RUNX1: variants seen among roughly 807,000 people sequenced by gnomAD.
RUNX1 encodes runt-related transcription factor 1.
Under a neutral mutation model 42.8 loss-of-function variants are expected in RUNX1, and 19 were observed. That is an observed-to-expected ratio of 0.44 (90% CI 0.31 to 0.65). The LOEUF (loss-of-function observed/expected upper bound fraction) is 0.65, where lower values mean the gene tolerates loss of function less well. Ranked by LOEUF, RUNX1 falls within the 30% of genes least tolerant of loss-of-function variation. RUNX1 has a pLI of 0.07. For missense variants in RUNX1, 528 were observed against 672.0 expected (o/e 0.79, Z 2.37); for synonymous variants, 271 against 289.4 (o/e 0.94, Z 0.64).
chr21:34,794,354 C>T (rs76154584), intron 8 of RUNX1, among the ~76,000 whole-genome samples: 1,600 of 152,216 alleles, frequency 0.011, 17 homozygotes, highest in African/African-American at 0.025. Flanking sequence ...TCAGGGAATA[C>T]CATTACCACT....
At chr21:34,808,007 A>G (rs1468922683) in intron 7 of RUNX1, among the ~76,000 whole-genome samples, 1 of 152,240 alleles carries the variant, frequency 6.6e-6, no homozygotes, top group Non-Finnish European at 1.5e-5. Context: ...CACAAGTAAG[A>G]AGAGCAGTCA....
intron 2 of RUNX1, among the ~76,000 whole-genome samples, chr21:35,033,290 T>C (rs2059286066): frequency 6.6e-6 from 1 of 152,196 alleles, no homozygotes. Context: ...AACACACTCA[T>C]AAACAGAAAA....
At chr21:34,935,163 C>T (rs1480286797) in intron 2 of RUNX1, among the ~76,000 whole-genome samples, 4 of 152,072 alleles carry the variant, frequency 2.6e-5, no homozygotes, top group South Asian at 2.1e-4. Context: ...GTCACTCATG[C>T]GTTAGCTGAT....
At chr21:34,929,404 T>C (rs892774526) in intron 2 of RUNX1, among the ~76,000 whole-genome samples, 18 of 152,156 alleles carry the variant, frequency 1.2e-4, no homozygotes, top group African/African-American at 4.3e-4. Flanking sequence ...CAGAAATACA[T>C]TTTTAGGGGC....
chr21:34,942,573 A>G (rs1163835104), intron 2 of RUNX1, among the ~76,000 whole-genome samples: 1 of 152,240 alleles, frequency 6.6e-6, no homozygotes, highest in African/African-American at 2.4e-5. Flanking sequence ...GATGAATACA[A>G]ATGGCATTAA....
At chr21:35,035,388 C>CA (rs1447353702) in intron 2 of RUNX1, among the ~76,000 whole-genome samples, 1 of 152,196 alleles carries the variant, frequency 6.6e-6, no homozygotes, top group Non-Finnish European at 1.5e-5. Flanking sequence ...CACACCCTGT[C>CA]ACATCACAGA....
At chr21:34,956,862 T>C (rs2058648039) in intron 2 of RUNX1, among the ~76,000 whole-genome samples, 2 of 152,208 alleles carry the variant, frequency 1.3e-5, no homozygotes. Context: ...GCTTACAAAA[T>C]TACTTCCATT....
intron 2 of RUNX1, among the ~76,000 whole-genome samples, chr21:35,010,101 C>T (rs932090574): frequency 6.6e-6 from 1 of 152,134 alleles, no homozygotes; most frequent in Non-Finnish European, 1.5e-5. Context: ...ACGTCTGTGA[C>T]AGCTGAATAT....
At chr21:34,986,118 C>G (rs187153608) in intron 2 of RUNX1, among the ~76,000 whole-genome samples, 1 of 152,192 alleles carries the variant, frequency 6.6e-6, no homozygotes, top group Admixed American at 6.5e-5. Flanking sequence ...GGGATCCCGC[C>G]TCAGCCTCCC....
intron 2 of RUNX1, among the ~76,000 whole-genome samples, chr21:34,899,848 T>C (rs767544567): frequency 1.3e-5 from 2 of 152,212 alleles, no homozygotes; most frequent in Non-Finnish European, 2.9e-5. Context: ...AAGTTGCCTT[T>C]AAACCATTAG....
intron 2 of RUNX1, among the ~76,000 whole-genome samples, chr21:34,984,827 T>C (rs546341818): frequency 5.9e-5 from 9 of 152,296 alleles, no homozygotes; most frequent in African/African-American, 1.7e-4. Context: ...AAGATGCAGA[T>C]AGACCCCGTC....
At chr21:34,992,999 AG>A (rs1432089576) in intron 2 of RUNX1, among the ~76,000 whole-genome samples, 1 of 152,232 alleles carries the variant, frequency 6.6e-6, no homozygotes, top group Non-Finnish European at 1.5e-5. Context: ...AGCTGCCAGC[AG>A]GGTGGACGGT....
In RUNX1 at chr21:35,048,833, T is replaced by G. The variant is rs553468449; in HGVS notation, c.58+9A>C. 3 of 1,610,364 alleles carry G rather than the reference T, an allele frequency of 1.9e-6. No homozygotes were observed. The highest frequency in any genetic ancestry group is 2.2e-5 in the South Asian group (2 of 91,000). Reference sequence around the variant, plus strand: ...AAAAGTAGATATTACAAGACCAGCATGTACTCACCTCTCATGAAGCACTGT... The same window carrying G: ...AAAAGTAGATATTACAAGACCAGCAGGTACTCACCTCTCATGAAGCACTGT... On this transcript the variant is annotated intron_variant, in intron 2 of 8. Coordinates refer to ENST00000675419, the MANE Select transcript of RUNX1 (RefSeq NM_001754.5).
chr21:34,888,410 A>G, intron 3 of RUNX1: 1 of 1,067,624 alleles, frequency 9.4e-7, no homozygotes, highest in Non-Finnish European at 1.1e-6. Flanking sequence ...CCTGTTGTAA[A>G]AGGAAAACAA....
At chr21:35,022,164 G>A (rs1347656411) in intron 2 of RUNX1, among the ~76,000 whole-genome samples, 1 of 152,232 alleles carries the variant, frequency 6.6e-6, no homozygotes, top group East Asian at 1.9e-4. Context: ...TGAAGGAGCT[G>A]ATTGGCGGTT....
chr21:34,848,301 C>T (rs1242208405), intron 6 of RUNX1, among the ~76,000 whole-genome samples: 1 of 152,236 alleles, frequency 6.6e-6, no homozygotes, highest in Non-Finnish European at 1.5e-5. Flanking sequence ...TTCAGGCTAT[C>T]TCTTTTAATC....
chr21:34,844,570 C>T lies in RUNX1; in HGVS notation c.614-9969G>A, dbSNP rs1332212299. ...AGGTTGGGTGATGCCTCCATAAATG[C>T]TGGACAAATAAATGAATGAGTGAGT... On this transcript the variant is annotated intron_variant, in intron 6 of 8. Coordinates refer to ENST00000675419, the MANE Select transcript of RUNX1 (RefSeq NM_001754.5). Among the ~76,000 whole-genome samples the T allele has an allele frequency of 2.0e-5, 3 of 151,038 alleles. No homozygotes were observed. The Admixed American group carries it at 2.0e-4, about 10-fold the overall frequency.
intron 7 of RUNX1, among the ~76,000 whole-genome samples, chr21:34,826,665 G>C (rs925950012): frequency 6.6e-6 from 1 of 151,394 alleles, no homozygotes; most frequent in African/African-American, 2.4e-5. Flanking sequence ...GCCTGCTCTC[G>C]AACTCCCGAC....
intron 2 of RUNX1, among the ~76,000 whole-genome samples, chr21:34,964,217 G>A (rs1310978934): frequency 6.6e-6 from 1 of 152,112 alleles, no homozygotes; most frequent in East Asian, 1.9e-4. Flanking sequence ...GGACGGGCAC[G>A]GTGGCTCACG....
Sources: allele counts gnomAD v4.1 joint callset (sites outside exome capture counted in the v4.1 genomes callset), GRCh38; gene constraint gnomAD v4.1.1; transcripts MANE v1.5; gene names NCBI Gene and HGNC (gene_info 2026-07-23, HGNC 2026-07-21).